The following SHISA9 variants were observed in gnomAD, a reference collection of about 807,000 sequenced individuals.
SHISA9 encodes shisa family member 9, also known as protein shisa-9.
SHISA9 carries 13 observed loss-of-function variants against 38.0 expected under a neutral mutation model. That is an observed-to-expected ratio of 0.34 (90% CI 0.22 to 0.54). The LOEUF (loss-of-function observed/expected upper bound fraction) is 0.54, where lower values mean the gene tolerates loss of function less well. SHISA9 is among the 20% of genes least tolerant of loss of function. The pLI, the probability that SHISA9 is intolerant of heterozygous loss-of-function variation, is 0.91. For missense variants in SHISA9, 538 were observed against 575.8 expected, an observed-to-expected ratio of 0.93 and a Z score of 0.67; for synonymous variants, 275 against 242.0, an observed-to-expected ratio of 1.14 and a Z score of -1.27.
At chr16:13,554,760 AC>A in the SHISA9 span, among the ~76,000 whole-genome samples, 1 of 152,298 alleles carries the variant, frequency 6.6e-6, no homozygotes, top group East Asian at 1.9e-4. Flanking sequence ...CCAAAGAGCC[AC>A]CGTGCCCAGT....
At chr16:13,256,069 A>G in the SHISA9 span, among the ~76,000 whole-genome samples, 2 of 152,068 alleles carry the variant, frequency 1.3e-5, no homozygotes, top group African/African-American at 4.8e-5. Context: ...AGGCTATTGG[A>G]AGTTCCCCCA....
At chr16:13,328,643 T>C in the SHISA9 span, among the ~76,000 whole-genome samples, 1 of 150,096 alleles carries the variant, frequency 6.7e-6, no homozygotes, top group South Asian at 2.1e-4. Context: ...CACATATATA[T>C]TGTATTTTTA....
the SHISA9 span, among the ~76,000 whole-genome samples, chr16:13,392,414 A>T: frequency 6.6e-6 from 1 of 152,212 alleles, no homozygotes; most frequent in Non-Finnish European, 1.5e-5. Flanking sequence ...ATATACATTT[A>T]AAAAAGAAAA....
At chr16:13,389,958 C>T in the SHISA9 span, among the ~76,000 whole-genome samples, 1 of 152,134 alleles carries the variant, frequency 6.6e-6, no homozygotes, top group African/African-American at 2.4e-5. Context: ...TTTCCACTTA[C>T]TTCTAAGGAC....
chr16:13,336,043 A>G, the SHISA9 span, among the ~76,000 whole-genome samples: 1 of 152,142 alleles, frequency 6.6e-6, no homozygotes, highest in African/African-American at 2.4e-5. Flanking sequence ...CACTAATTAT[A>G]GTTAAATACT....
At chr16:13,467,402 G>A in the SHISA9 span, among the ~76,000 whole-genome samples, 1 of 152,100 alleles carries the variant, frequency 6.6e-6, no homozygotes, top group Admixed American at 6.5e-5. Flanking sequence ...TCTGAGCCTG[G>A]CACTAGCCAC....
rs1229607745 is a variant in SHISA9, at chr16:13,201,752, C to T, written c.692-1642C>T. ...GCTGGTCTTTGGACTTCAGTGTCAG[C>T]GGGACATTGGTTGCTGACCACTTGA... On this transcript the variant is annotated intron_variant, in intron 2 of 4. Coordinates refer to ENST00000558583, the MANE Select transcript of SHISA9 (RefSeq NM_001145204.3). 3.1e-5 allele frequency among the ~76,000 whole-genome samples: 4 copies of T among 127,926 alleles called. 2 individuals carry two copies. Among genetic ancestry groups the T allele is most frequent in the African/African-American group, 6.3e-5 (2 of 31,562 alleles). 83.9% of individuals were successfully genotyped at this position (127,926 alleles called of 152,430 possible).
At chr16:13,138,143 T>C (rs2050366640) in intron 2 of SHISA9, among the ~76,000 whole-genome samples, 1 of 152,208 alleles carries the variant, frequency 6.6e-6, no homozygotes, top group Admixed American at 6.5e-5. Flanking sequence ...GTGGCTGTGC[T>C]CTAGGACTTT....
At chr16:13,247,680 C>T in the SHISA9 span, among the ~76,000 whole-genome samples, 5 of 152,328 alleles carry the variant, frequency 3.3e-5, no homozygotes, top group South Asian at 4.1e-4. Context: ...AATCCTAACT[C>T]GTGCTGTGTT....
the SHISA9 span, among the ~76,000 whole-genome samples, chr16:13,385,109 T>C: frequency 0.021 from 3,131 of 152,310 alleles, 108 homozygotes; most frequent in African/African-American, 0.071. Flanking sequence ...GCGATATCAC[T>C]ACATGCCTAT....
At chr16:13,334,773 C>CA in the SHISA9 span, among the ~76,000 whole-genome samples, 50,753 of 97,264 alleles carry the variant, frequency 0.52, 11,819 homozygotes, top group East Asian at 0.65. Flanking sequence ...GACTCCATCT[C>CA]AAAAAAAAAA....
chr16:12,943,354 A>T (rs2071646641), intron 2 of SHISA9, among the ~76,000 whole-genome samples: 1 of 72,498 alleles, frequency 1.4e-5, no homozygotes, highest in Non-Finnish European at 3.1e-5. Flanking sequence ...AGAGAGAGAG[A>T]GAGAGAGAGA....
chr16:13,145,077 C>T (rs2050435236), intron 2 of SHISA9, among the ~76,000 whole-genome samples: 1 of 152,140 alleles, frequency 6.6e-6, no homozygotes, highest in Non-Finnish European at 1.5e-5. Context: ...TGGCTGCTTC[C>T]CATGTGTTCC....
chr16:13,253,432 A>T, the SHISA9 span, among the ~76,000 whole-genome samples: 1 of 152,204 alleles, frequency 6.6e-6, no homozygotes, highest in Non-Finnish European at 1.5e-5. Context: ...TAATAAAGAC[A>T]TACCGAAGGC....
chr16:13,263,381 G>A, the SHISA9 span, among the ~76,000 whole-genome samples: 2 of 152,268 alleles, frequency 1.3e-5, no homozygotes, highest in African/African-American at 4.8e-5. Flanking sequence ...CTCATGAATG[G>A]TTTAGCACCA....
the SHISA9 span, among the ~76,000 whole-genome samples, chr16:13,395,226 A>C: frequency 6.6e-6 from 1 of 152,272 alleles, no homozygotes; most frequent in Non-Finnish European, 1.5e-5. Flanking sequence ...GGGTATCAAG[A>C]ATGCCTGTTG....
At chr16:13,427,441 A>G in the SHISA9 span, among the ~76,000 whole-genome samples, 1 of 152,252 alleles carries the variant, frequency 6.6e-6, no homozygotes, top group Non-Finnish European at 1.5e-5. Flanking sequence ...TTAAAACGCA[A>G]CAGCATTTTA....
chr16:13,308,021 C>T, the SHISA9 span, among the ~76,000 whole-genome samples: 1 of 152,172 alleles, frequency 6.6e-6, no homozygotes, highest in African/African-American at 2.4e-5. Context: ...AATTTGTTTT[C>T]TGTTCTTGCC....
the SHISA9 span, among the ~76,000 whole-genome samples, chr16:13,348,544 T>G: frequency 2.0e-5 from 3 of 151,834 alleles, no homozygotes; most frequent in Non-Finnish European, 4.4e-5. Flanking sequence ...GTCGAGCTGA[T>G]GCCTGGTGCC....
Sources: gnomAD v4.1 joint callset for allele counts (sites outside exome capture counted in the v4.1 genomes callset) on GRCh38, gnomAD v4.1.1 for gene constraint, MANE v1.5 for transcripts, NCBI Gene and HGNC (gene_info 2026-07-23, HGNC 2026-07-21) for gene names.